Variants in PRKCE observed in about 807,000 individuals in gnomAD.
PRKCE encodes protein kinase C epsilon.
In PRKCE, 16 loss-of-function variants were observed where a neutral mutation model predicts 85.4. The observed-to-expected ratio is 0.19, with a 90% CI of 0.13 to 0.28. The LOEUF (loss-of-function observed/expected upper bound fraction) is 0.28, where lower values mean the gene tolerates loss of function less well. PRKCE is among the 10% of genes least tolerant of loss of function. PRKCE has a pLI of 1.00. For missense variants in PRKCE, 573 were observed against 975.2 expected, an observed-to-expected ratio of 0.59 and a Z score of 5.49; for synonymous variants, 388 against 371.5, an observed-to-expected ratio of 1.04 and a Z score of -0.51.
chr2:46,013,261 T>G (rs1705838791), intron 10 of PRKCE, among the ~76,000 whole-genome samples: 1 of 152,204 alleles, frequency 6.6e-6, no homozygotes, highest in Admixed American at 6.5e-5. Flanking sequence ...TAGCTATTAT[T>G]CACCTGACTC....
At chr2:46,165,222 TTC>T (rs1678220277) in intron 14 of PRKCE, among the ~76,000 whole-genome samples, 1 of 152,230 alleles carries the variant, frequency 6.6e-6, no homozygotes, top group Non-Finnish European at 1.5e-5. Flanking sequence ...CTGTCTTTCG[TTC>T]TCTCAGCTCT....
At chr2:46,028,306 T>TG (rs894600585) in intron 10 of PRKCE, among the ~76,000 whole-genome samples, 1 of 152,212 alleles carries the variant, frequency 6.6e-6, no homozygotes, top group Admixed American at 6.5e-5. Flanking sequence ...AGCTCTGAGT[T>TG]GGGGGGTAAA....
chr2:45,980,464 A>C (rs754534872), intron 5 of PRKCE, 83 bp downstream of exon 5: 1 of 1,300,682 alleles, frequency 7.7e-7, no homozygotes, highest in Non-Finnish European at 1.1e-6. Context: ...TCCCAAGAAA[A>C]CCTTCTCTGC....
At chr2:45,703,023 C>CA (rs1553382495) in intron 1 of PRKCE, among the ~76,000 whole-genome samples, 181 of 150,678 alleles carry the variant, frequency 1.2e-3, no homozygotes, top group African/African-American at 4.2e-3. Context: ...GCCTTTTTTC[C>CA]CCCCCCGTCA....
intron 1 of PRKCE, among the ~76,000 whole-genome samples, chr2:45,789,921 G>T (rs1686906960): frequency 6.6e-6 from 1 of 152,126 alleles, no homozygotes; most frequent in African/African-American, 2.4e-5. Flanking sequence ...ACACCTAAAT[G>T]GTAGTGTTCA....
At chr2:46,146,484 G>T (rs1249628114) in intron 12 of PRKCE, among the ~76,000 whole-genome samples, 1 of 152,234 alleles carries the variant, frequency 6.6e-6, no homozygotes, top group Non-Finnish European at 1.5e-5. Flanking sequence ...GAATAAATAG[G>T]CACATAAAAG....
At chr2:45,992,180 A>T (rs1001701809) in intron 6 of PRKCE, among the ~76,000 whole-genome samples, 4 of 152,156 alleles carry the variant, frequency 2.6e-5, no homozygotes, top group Non-Finnish European at 5.9e-5. Flanking sequence ...AAAGAATGCC[A>T]CAGGAGTGCT....
rs2255094 is a variant in PRKCE at position 46,004,903 on chromosome 2, A to C, written c.1063+265A>C. Among the ~76,000 whole-genome samples, 106,784 of 151,986 alleles carry C rather than the reference A, an allele frequency of 0.7. 38,074 individuals carry two copies. Among genetic ancestry groups the C allele is most frequent in the African/African-American group, 0.81 (33,757 of 41,448 alleles). On this transcript the variant is annotated intron_variant, in intron 8 of 14. Transcript: ENST00000306156. This position sits in a 1 kb window ranked among gnomAD's most constrained non-coding sequence, Gnocchi z 4.1. ...AGAGCGAGTGTATGATGTTATGGTT[A>C]TCTGTTTTCCCTTGCCTCTGTCCCT...
chr2:45,818,062 T>A (rs1248197145), intron 1 of PRKCE, among the ~76,000 whole-genome samples: 1 of 152,202 alleles, frequency 6.6e-6, no homozygotes, highest in Non-Finnish European at 1.5e-5. Context: ...GTAGCACATT[T>A]GTGATTCTGT....
In PRKCE at chr2:46,186,501, A is replaced by T. The variant is rs1680457844; in HGVS notation, c.*1620A>T. 1 of 152,496 alleles carries T rather than the reference A, an allele frequency of 6.6e-6. No homozygotes were observed. The highest frequency in any genetic ancestry group is 2.4e-5 in the African/African-American group (1 of 41,404). 9.4% of individuals were successfully genotyped at this position (152,496 alleles called of 1,614,324 possible). On this transcript the variant is annotated 3_prime_UTR_variant, in exon 15 of 15. Transcript: ENST00000306156. ...AGTCTATGAAAGAATAATTATAATA[A>T]TGTCCAGGTGCAATACTCTGTAAGT...
intron 12 of PRKCE, among the ~76,000 whole-genome samples, chr2:46,150,829 T>C (rs1318267075): frequency 6.6e-6 from 1 of 152,256 alleles, no homozygotes; most frequent in Non-Finnish European, 1.5e-5. Flanking sequence ...AGACTGTCGA[T>C]GTTGACTTTG....
At chr2:46,076,872 G>A (rs1054893478) in intron 10 of PRKCE, among the ~76,000 whole-genome samples, 24 of 152,160 alleles carry the variant, frequency 1.6e-4, no homozygotes, top group African/African-American at 5.8e-4. Flanking sequence ...ATTATGCTAA[G>A]TGAAATAACC....
intron 10 of PRKCE, among the ~76,000 whole-genome samples, chr2:46,049,593 TAATACCCGCTGCAGGA>T (rs993010453): frequency 6.6e-6 from 1 of 152,182 alleles, no homozygotes; most frequent in African/African-American, 2.4e-5. Context: ...GCTGCAGGTG[TAATACCCGCTGCAGGA>T]AATACCTTCT....
At chr2:45,813,726 G>A (rs57513298) in intron 1 of PRKCE, among the ~76,000 whole-genome samples, 2,858 of 152,258 alleles carry the variant, frequency 0.019, 88 homozygotes, top group African/African-American at 0.065. Flanking sequence ...CAGACAGACC[G>A]AGCAGGGTCT....
intron 11 of PRKCE, among the ~76,000 whole-genome samples, chr2:46,113,501 A>G (rs1251172382): frequency 6.6e-6 from 1 of 152,220 alleles, no homozygotes; most frequent in Non-Finnish European, 1.5e-5. Flanking sequence ...CCTCTTAACA[A>G]GGTGCTCCCT....
chr2:45,862,363 C>T (rs1231222923), intron 2 of PRKCE, among the ~76,000 whole-genome samples: 1 of 152,210 alleles, frequency 6.6e-6, no homozygotes, highest in African/African-American at 2.4e-5. Context: ...CCTCCTGGAT[C>T]CCTCTCCAGT....
intron 14 of PRKCE, among the ~76,000 whole-genome samples, chr2:46,182,034 C>A (rs1463089397): frequency 6.6e-6 from 1 of 152,144 alleles, no homozygotes; most frequent in Non-Finnish European, 1.5e-5. Context: ...TCTTCTTGCC[C>A]TATTCCTTGA....
intron 11 of PRKCE, among the ~76,000 whole-genome samples, chr2:46,131,469 G>A (rs550944174): frequency 6.6e-6 from 1 of 152,306 alleles, no homozygotes; most frequent in Admixed American, 6.5e-5. Context: ...TCACAGTTTA[G>A]GGAAGGGTGA....
At chr2:45,744,441 CT>C (rs1451202056) in intron 1 of PRKCE, among the ~76,000 whole-genome samples, 11 of 50,612 alleles carry the variant, frequency 2.2e-4, no homozygotes, top group Non-Finnish European at 3.0e-4. Flanking sequence ...TTCTTTCTTT[CT>C]TTCTTTCTTT....
Sources: allele counts gnomAD v4.1 joint callset (sites outside exome capture counted in the v4.1 genomes callset), GRCh38; gene constraint gnomAD v4.1.1; non-coding constraint Gnocchi (gnomAD v3.1); transcripts MANE v1.5; gene names NCBI Gene and HGNC (gene_info 2026-07-23, HGNC 2026-07-21).